The following LRRN1 variants were observed in gnomAD, a reference collection of about 807,000 sequenced individuals.
LRRN1 encodes the protein leucine-rich repeat neuronal protein 1.
In LRRN1, 14 loss-of-function variants were observed where a neutral mutation model predicts 45.8. The observed-to-expected ratio is 0.31, with a 90% CI of 0.20 to 0.48. The LOEUF is 0.48. Ranked by LOEUF, LRRN1 falls within the 20% of genes least tolerant of loss-of-function variation. The pLI, the probability that LRRN1 is intolerant of heterozygous loss-of-function variation, is 0.99. For synonymous variants in LRRN1, 359 were observed against 330.1 expected (o/e 1.09, Z -0.95); for missense variants, 789 against 874.2 (o/e 0.90, Z 1.23).
intron 1 of LRRN1, among the ~76,000 whole-genome samples, chr3:3,814,906 T>G (rs1173246946): frequency 6.6e-6 from 1 of 152,144 alleles, no homozygotes; most frequent in Non-Finnish European, 1.5e-5. Flanking sequence ...AATTACCCAG[T>G]CTCAGGTATT....
intron 1 of LRRN1, among the ~76,000 whole-genome samples, chr3:3,814,501 G>T (rs144647790): frequency 1.3e-5 from 2 of 151,744 alleles, no homozygotes; most frequent in African/African-American, 4.8e-5. Flanking sequence ...CTTTAACCTC[G>T]CCCATCCCTT....
At chr3:3,819,467 G>A (rs1264162073) in intron 1 of LRRN1, among the ~76,000 whole-genome samples, 1 of 152,182 alleles carries the variant, frequency 6.6e-6, no homozygotes, top group Non-Finnish European at 1.5e-5. Context: ...AAACCTGTAA[G>A]AGAATAAGTC....
intron 1 of LRRN1, chr3:3,827,612 A>G (rs1693252980): frequency 7.0e-6 from 3 of 427,320 alleles, no homozygotes; most frequent in Admixed American, 5.0e-5. Flanking sequence ...TGCATTTGCC[A>G]TGGATCTATT....
intron 1 of LRRN1, among the ~76,000 whole-genome samples, chr3:3,818,541 T>A (rs1693033309): frequency 6.6e-6 from 1 of 152,196 alleles, no homozygotes; most frequent in Non-Finnish European, 1.5e-5. Context: ...TACAAGTGAT[T>A]TAAACAGAAA....
chr3:3,844,288 TTAG>T (rs1693707507), intron 1 of LRRN1, 73 bp from the exon 2 acceptor site: 1 of 177,974 alleles, frequency 5.6e-6, no homozygotes. Flanking sequence ...CTATGCCTTT[TTAG>T]TAAACAAAAG....
chr3:3,840,202 T>C (rs1693618328), intron 1 of LRRN1, among the ~76,000 whole-genome samples: 1 of 152,196 alleles, frequency 6.6e-6, no homozygotes, highest in Non-Finnish European at 1.5e-5. Flanking sequence ...TTGAATTTTG[T>C]CAGATGGTTT....
At chr3:3,810,128 GTT>G (rs1175212287) in intron 1 of LRRN1, among the ~76,000 whole-genome samples, 1 of 151,984 alleles carries the variant, frequency 6.6e-6, no homozygotes, top group Non-Finnish European at 1.5e-5. Context: ...AGCCTTTTTT[GTT>G]TGTTTCCAGA....
At chr3:3,833,717 C>G (rs1232925250) in intron 1 of LRRN1, among the ~76,000 whole-genome samples, 1 of 152,142 alleles carries the variant, frequency 6.6e-6, no homozygotes, top group African/African-American at 2.4e-5. Flanking sequence ...ACTGTTGCCT[C>G]AGGCAGCGCA....
At chr3:3,813,169 C>T (rs771997014) in intron 1 of LRRN1, among the ~76,000 whole-genome samples, 15 of 152,176 alleles carry the variant, frequency 9.9e-5, no homozygotes, top group Non-Finnish European at 1.9e-4. Flanking sequence ...GGCTGCTGTT[C>T]GCATGAACAG....
intron 1 of LRRN1, among the ~76,000 whole-genome samples, chr3:3,819,983 T>G (rs1361838630): frequency 1.3e-5 from 2 of 152,176 alleles, no homozygotes; most frequent in Non-Finnish European, 2.9e-5. Context: ...ATCTGTTGAC[T>G]CCGAAGCCTA....
intron 1 of LRRN1, among the ~76,000 whole-genome samples, chr3:3,840,781 GA>G (rs1693635755): frequency 1.3e-5 from 2 of 152,082 alleles, no homozygotes; most frequent in Admixed American, 1.3e-4. Flanking sequence ...TTAGTTGCTT[GA>G]AAAAGGTATG....
chr3:3,834,524 GGATATATATATATATATATATATATATAT>G (rs199559650), intron 1 of LRRN1, among the ~76,000 whole-genome samples: 160 of 1,922 alleles, frequency 0.083, 9 homozygotes, highest in East Asian at 0.41. Context: ...GGACAGAACA[GGATATATATATATATATATATATATATAT>G]GATATATATA....
At position 3,846,217 on chromosome 3, in the gene LRRN1, G is replaced by T. The variant is rs200558579; in HGVS notation, c.1576G>T (p.Val526Leu). Residue 526 changes from valine to leucine, a missense_variant, in exon 2 of 2, where the codon GTG becomes TTG. Val to Leu is a conservative substitution (Grantham distance 32, BLOSUM62 1). Transcript: ENST00000319331. The surrounding 1 kb of genome is among the most constrained non-coding windows in gnomAD (Gnocchi z 5.7). The part of the protein sequence containing the change: ...VNGTLLDGTQ[V>L]LKIYVKQTES... ...TGGGACCCTTCTGGATGGTACCCAG[G>T]TGCTAAAAATATACGTCAAGCAGAC... 249 of 1,614,048 alleles carry T rather than the reference G, an allele frequency of 1.5e-4. 1 individual carries two copies. The highest frequency in any genetic ancestry group is 9.9e-4 in the Middle Eastern group (6 of 6,062).
intron 1 of LRRN1, among the ~76,000 whole-genome samples, chr3:3,823,913 T>C (rs1452087531): frequency 6.6e-6 from 1 of 152,318 alleles, no homozygotes; most frequent in Non-Finnish European, 1.5e-5. Context: ...TACCTGGAGC[T>C]GGAGCCCTAG....
chr3:3,825,044 G>A (rs1693188364), intron 1 of LRRN1, among the ~76,000 whole-genome samples: 1 of 152,176 alleles, frequency 6.6e-6, no homozygotes, highest in African/African-American at 2.4e-5. Flanking sequence ...TTATTCCCTA[G>A]GGCTCTTTCA....
intron 1 of LRRN1, among the ~76,000 whole-genome samples, chr3:3,834,421 A>G (rs1057441105): frequency 6.8e-6 from 1 of 147,916 alleles, no homozygotes; most frequent in African/African-American, 2.5e-5. Context: ...AACTCCAGAA[A>G]CCCCAAAACC....
At chr3:3,810,146 T>C (rs1692845252) in intron 1 of LRRN1, among the ~76,000 whole-genome samples, 2 of 152,204 alleles carry the variant, frequency 1.3e-5, no homozygotes, top group Admixed American at 1.3e-4. Context: ...CCAGATTCTC[T>C]TCTGTATCCC....
chr3:3,800,587 C>T (rs1319566791), intron 1 of LRRN1: 2 of 147,244 alleles, frequency 1.4e-5, no homozygotes, highest in Non-Finnish European at 3.0e-5. Flanking sequence ...GGGGACAGAC[C>T]TCAGCCCGTG....
At position 3,848,830 on chromosome 3, in the gene LRRN1, T is replaced by C. The variant is rs1245685157; in HGVS notation, c.*2038T>C. ...TTAGGTTCCTGTGCAGGGCCCCTCT[T>C]TTGCAGTTCTGAATAACCTCTAGTG... On this transcript the variant is annotated 3_prime_UTR_variant, in exon 2 of 2. Coordinates refer to ENST00000319331, the MANE Select transcript of LRRN1 (RefSeq NM_020873.7). Among the ~76,000 whole-genome samples, 1 of 152,154 alleles carries C rather than the reference T, an allele frequency of 6.6e-6. No individual in the cohort carries two copies. The highest frequency in any genetic ancestry group is 1.5e-5 in the Non-Finnish European group (1 of 68,018).
Sources: allele counts gnomAD v4.1 joint callset (sites outside exome capture counted in the v4.1 genomes callset), GRCh38; gene constraint gnomAD v4.1.1; non-coding constraint Gnocchi (gnomAD v3.1); transcripts MANE v1.5; gene names NCBI Gene and HGNC (gene_info 2026-07-23, HGNC 2026-07-21).